Variants in CCDC88C observed in about 807,000 individuals in gnomAD.
The protein encoded by CCDC88C is coiled-coil and HOOK domain protein 88C.
In CCDC88C, 131 loss-of-function variants were observed where a neutral mutation model predicts 198.8. The ratio of observed to expected loss-of-function variants is 0.66; its 90% CI spans 0.57 to 0.76. The LOEUF is 0.76. Ranked by LOEUF, CCDC88C falls within the 30% of genes least tolerant of loss-of-function variation. The pLI, the probability that CCDC88C is intolerant of heterozygous loss-of-function variation, is 0.00. For synonymous variants in CCDC88C, 1,166 were observed against 1,114.7 expected (o/e 1.05, Z -0.92); for missense variants, 2,553 against 2,631.6 (o/e 0.97, Z 0.65).
intron 15 of CCDC88C, among the ~76,000 whole-genome samples, chr14:91,311,977 A>C (rs1891850206): frequency 6.6e-6 from 1 of 152,108 alleles, no homozygotes. Flanking sequence ...TTTAAAAAAA[A>C]CTTCAGGAAA....
rs761069635 is a variant in CCDC88C at position 91,339,496 on chromosome 14, C to T, written c.625-34G>A. 8.9e-6 allele frequency: 14 copies of T among 1,577,912 alleles called. No individual in the cohort carries two copies. Among genetic ancestry groups the T allele is most frequent in the Non-Finnish European group, 1.2e-5 (14 of 1,157,192 alleles). On this transcript the variant is annotated intron_variant, in intron 7 of 29. Coordinates refer to ENST00000389857, the MANE Select transcript of CCDC88C (RefSeq NM_001080414.4). The surrounding 1 kb of genome is among the most constrained non-coding windows in gnomAD (Gnocchi z 5.8). ...GGGCAGAGAGGGGGATGGAGGAGAA[C>T]AAACGGGGTTAACCAGCACAACGCC...
chr14:91,338,222 A>G lies in CCDC88C; in HGVS notation c.892-59T>C. The G allele has an allele frequency of 6.3e-7, 1 of 1,585,446 alleles. No homozygotes were observed. The highest frequency in any genetic ancestry group is 1.1e-5 in the South Asian group (1 of 88,230). ...TAGGGCATCCTCTAGGAAGGGCAGA[A>G]AGGCCATTGCCCTTCTGCATGGTGT... On this transcript the variant is annotated intron_variant, in intron 9 of 29. Coordinates refer to ENST00000389857, the MANE Select transcript of CCDC88C (RefSeq NM_001080414.4). This position sits in a 1 kb window ranked among gnomAD's most constrained non-coding sequence, Gnocchi z 4.8.
rs370667337 is a variant in CCDC88C at position 91,321,158 on chromosome 14, C to T, written c.1489G>A (p.Gly497Arg). The part of the protein sequence containing the change: ...LVLEESGLKC[G>R]ELEKENHQLS... ...TGGTGGTTCTCCTTCTCCAGCTCCCCGCACTTGAGGCCGCTCTCCTCCAAC... is the reference window on the plus strand; with the variant it reads ...TGGTGGTTCTCCTTCTCCAGCTCCCTGCACTTGAGGCCGCTCTCCTCCAAC... The change falls in exon 13 of 30, where the codon GGG becomes AGG. Residue 497 changes from glycine to arginine, a missense_variant. By Grantham distance (125) the Gly-to-Arg change is moderately radical. Around this residue, in one of 2 missense-constraint regions of CCDC88C, gnomAD observed 1,260 missense variants for 1,412.0 expected, o/e 0.89. Coordinates refer to ENST00000389857, the MANE Select transcript of CCDC88C (RefSeq NM_001080414.4). The T allele has an allele frequency of 2.3e-5, 37 of 1,612,756 alleles. No homozygotes were observed. Among genetic ancestry groups the T allele is most frequent in the Admixed American group, 1.7e-4 (10 of 59,928 alleles).
chr14:91,406,584 G>A (rs1567126869), intron 3 of CCDC88C, among the ~76,000 whole-genome samples: 2 of 152,234 alleles, frequency 1.3e-5, no homozygotes, highest in East Asian at 1.9e-4. Context: ...GGGTTAGGGG[G>A]TCTTGCCTCT....
In CCDC88C at chr14:91,283,375, G is replaced by A. The variant is rs267604088; in HGVS notation, c.4584C>T (p.Ala1528=). 1 of 1,613,742 alleles carries A rather than the reference G, an allele frequency of 6.2e-7. No homozygotes were observed. The highest frequency in any genetic ancestry group is 8.5e-7 in the Non-Finnish European group (1 of 1,179,880). Reference sequence around the variant, plus strand: ...GGGCGATGGGGGTGGAGTTGGAAGGGGCTGTAGTGGTGGCTGAAGTTGAGC... The same window carrying A: ...GGGCGATGGGGGTGGAGTTGGAAGGAGCTGTAGTGGTGGCTGAAGTTGAGC... ...RTCSTSATTT[A]PSNSTPIARH... Residue 1528 remains alanine, a synonymous_variant, in exon 26 of 30, where the codon GCC becomes GCT. Coordinates refer to ENST00000389857, the MANE Select transcript of CCDC88C (RefSeq NM_001080414.4).
At chr14:91,331,469 C>A (rs1892822679) in intron 10 of CCDC88C, among the ~76,000 whole-genome samples, 1 of 152,210 alleles carries the variant, frequency 6.6e-6, no homozygotes, top group African/African-American at 2.4e-5. Context: ...CAGCAGAGCT[C>A]CTGCCCCACC....
intron 3 of CCDC88C, among the ~76,000 whole-genome samples, chr14:91,406,693 G>A (rs1485815758): frequency 6.6e-6 from 1 of 152,258 alleles, no homozygotes; most frequent in African/African-American, 2.4e-5. Context: ...CCCATGCCCT[G>A]CGTATCTGCT....
intron 3 of CCDC88C, among the ~76,000 whole-genome samples, chr14:91,403,524 A>G (rs530942899): frequency 1.3e-5 from 2 of 152,340 alleles, no homozygotes; most frequent in South Asian, 4.1e-4. Context: ...TTCTGCTGGA[A>G]CAGCCTCACT....
chr14:91,308,558 C>G (rs149313333), intron 16 of CCDC88C, 66 bp from the exon 17 acceptor site: 179 of 1,495,748 alleles, frequency 1.2e-4, no homozygotes, highest in Non-Finnish European at 1.6e-4. Flanking sequence ...CCAGTGTCCT[C>G]GCTGCCAACA....
At chr14:91,345,166 T>TTATATATATATATATA (rs758438547) in intron 4 of CCDC88C, among the ~76,000 whole-genome samples, 6 of 100,534 alleles carry the variant, frequency 6.0e-5, no homozygotes, top group African/African-American at 2.0e-4. Flanking sequence ...GAGGTTCAAT[T>TTATATATATATATATA]TATATATATA....
At chr14:91,329,355 A>G (rs1892714078) in intron 10 of CCDC88C, among the ~76,000 whole-genome samples, 1 of 152,220 alleles carries the variant, frequency 6.6e-6, no homozygotes, top group Non-Finnish European at 1.5e-5. Flanking sequence ...GGGTGTCCTT[A>G]GTAAGTGCCC....
At chr14:91,387,836 G>A (rs1267007543) in intron 3 of CCDC88C, among the ~76,000 whole-genome samples, 2 of 152,228 alleles carry the variant, frequency 1.3e-5, no homozygotes, top group Non-Finnish European at 2.9e-5. Context: ...CAGTTTTCTT[G>A]TTGGCTAAAC....
chr14:91,279,349 A>G (rs958497284), intron 27 of CCDC88C, 43 bp from the exon 28 acceptor site: 1 of 1,508,750 alleles, frequency 6.6e-7, no homozygotes, highest in Non-Finnish European at 9.1e-7. Flanking sequence ...GCCAATGACC[A>G]GGTATATCCC....
intron 3 of CCDC88C, among the ~76,000 whole-genome samples, chr14:91,377,040 C>A (rs1247536418): frequency 2.0e-5 from 3 of 148,204 alleles, no homozygotes; most frequent in Admixed American, 6.7e-5. Context: ...ACCCTGTGTC[C>A]ACTGAGACAC....
intron 25 of CCDC88C, chr14:91,285,567 C>T (rs1251762122): frequency 1.8e-5 from 20 of 1,089,522 alleles, no homozygotes; most frequent in East Asian, 1.2e-4. Context: ...AGGAGGGGTC[C>T]GCTATCGGCC....
chr14:91,390,995 C>T (rs1596149472), intron 3 of CCDC88C, among the ~76,000 whole-genome samples: 1 of 152,146 alleles, frequency 6.6e-6, no homozygotes, highest in Admixed American at 6.6e-5. Context: ...AGAATAAATG[C>T]CACCTAGTGA....
At chr14:91,364,688 A>C (rs2071173901) in intron 3 of CCDC88C, among the ~76,000 whole-genome samples, 1 of 152,160 alleles carries the variant, frequency 6.6e-6, no homozygotes, top group Non-Finnish European at 1.5e-5. Flanking sequence ...CAGGGGCAGC[A>C]GTTGTGTCTG....
intron 3 of CCDC88C, among the ~76,000 whole-genome samples, chr14:91,396,938 C>T (rs1181868497): frequency 1.3e-5 from 2 of 151,426 alleles, no homozygotes; most frequent in East Asian, 1.9e-4. Context: ...AGGTCAAGGT[C>T]GAGGCTGCAG....
rs181340693 is a variant in CCDC88C, at chr14:91,300,426, A to G, written c.3636-356T>C. Among the ~76,000 whole-genome samples, 267 of 152,352 alleles carry G rather than the reference A, an allele frequency of 1.8e-3. 1 individual carries two copies. Among genetic ancestry groups the G allele is most frequent in the African/African-American group, 6.2e-3 (256 of 41,584 alleles). On this transcript the variant is annotated intron_variant, in intron 20 of 29. Transcript: ENST00000389857. ...TCTTTTAGGGAATTATAAATACGCT[A>G]CTAGGTAGTTCACTAAGCACAAATA...
Sources: allele counts gnomAD v4.1 joint callset (sites outside exome capture counted in the v4.1 genomes callset), GRCh38; gene constraint gnomAD v4.1.1; regional missense constraint gnomAD v4.1.1; non-coding constraint Gnocchi (gnomAD v3.1); transcripts MANE v1.5; gene names NCBI Gene and HGNC (gene_info 2026-07-23, HGNC 2026-07-21).